The following LHFPL3 variants were observed in gnomAD, a reference collection of about 807,000 sequenced individuals.
LHFPL3 encodes the protein LHFPL tetraspan subfamily member 3 protein.
Under a neutral mutation model 19.3 loss-of-function variants are expected in LHFPL3, and 5 were observed. The ratio of observed to expected loss-of-function variants is 0.26; its 90% CI spans 0.14 to 0.54. The LOEUF is 0.54. Ranked by LOEUF, LHFPL3 falls within the 20% of genes least tolerant of loss-of-function variation. LHFPL3 has a pLI of 0.94. For missense variants in LHFPL3, 249 were observed against 307.4 expected, an observed-to-expected ratio of 0.81 and a Z score of 1.42; for synonymous variants, 133 against 126.2, an observed-to-expected ratio of 1.05 and a Z score of -0.36.
At chr7:104,570,968 T>G (rs1298620070) in intron 1 of LHFPL3, among the ~76,000 whole-genome samples, 2 of 152,236 alleles carry the variant, frequency 1.3e-5, no homozygotes, top group Admixed American at 6.5e-5. Context: ...TTGTAAAGAC[T>G]CAGACATTTT....
intron 1 of LHFPL3, among the ~76,000 whole-genome samples, chr7:104,420,841 C>T (rs1368959816): frequency 1.3e-5 from 2 of 151,778 alleles, no homozygotes; most frequent in African/African-American, 2.4e-5. Flanking sequence ...GGATTACAGG[C>T]GTGAGCCACC....
intron 1 of LHFPL3, among the ~76,000 whole-genome samples, chr7:104,715,119 T>C (rs921128105): frequency 6.6e-6 from 1 of 151,992 alleles, no homozygotes; most frequent in Non-Finnish European, 1.5e-5. Context: ...CTGAGCAGCA[T>C]AGGGAGACCT....
chr7:104,700,614 G>T (rs1398717085), intron 1 of LHFPL3, among the ~76,000 whole-genome samples: 3 of 152,200 alleles, frequency 2.0e-5, no homozygotes, highest in Non-Finnish European at 2.9e-5. Flanking sequence ...ATAGGCTTTT[G>T]TGTTGGGCTG....
intron 1 of LHFPL3, among the ~76,000 whole-genome samples, chr7:104,331,153 C>T (rs1284335590): frequency 6.6e-6 from 1 of 152,170 alleles, no homozygotes; most frequent in Admixed American, 6.5e-5. Flanking sequence ...GCAACCATTA[C>T]AAGGTTTTTT....
intron 2 of LHFPL3, among the ~76,000 whole-genome samples, chr7:104,751,089 G>C (rs1367546661): frequency 1.6e-5 from 2 of 127,860 alleles, no homozygotes; most frequent in African/African-American, 5.8e-5. Flanking sequence ...AACAACTTCT[G>C]TTATTGCTTG....
intron 1 of LHFPL3, among the ~76,000 whole-genome samples, chr7:104,639,945 A>C (rs1327221875): frequency 6.6e-6 from 1 of 152,182 alleles, no homozygotes; most frequent in South Asian, 2.1e-4. Context: ...AAAGTCTTAG[A>C]TTATAAGCAG....
chr7:104,383,404 A>G (rs1198375941), intron 1 of LHFPL3, among the ~76,000 whole-genome samples: 2 of 152,196 alleles, frequency 1.3e-5, no homozygotes, highest in Non-Finnish European at 2.9e-5. Flanking sequence ...GATTTTTAAC[A>G]AGCCACATAG....
chr7:104,607,930 A>G (rs887732780), intron 1 of LHFPL3, among the ~76,000 whole-genome samples: 2 of 152,258 alleles, frequency 1.3e-5, no homozygotes, highest in Non-Finnish European at 2.9e-5. Flanking sequence ...AGAAATGCAA[A>G]TCAAAACCAC....
At chr7:104,397,375 T>A (rs1791211854) in intron 1 of LHFPL3, among the ~76,000 whole-genome samples, 1 of 152,228 alleles carries the variant, frequency 6.6e-6, no homozygotes, top group Non-Finnish European at 1.5e-5. Context: ...TCATTATTTT[T>A]AAAATTTATA....
intron 1 of LHFPL3, among the ~76,000 whole-genome samples, chr7:104,523,066 T>C (rs1323045915): frequency 6.7e-6 from 1 of 148,256 alleles, no homozygotes; most frequent in East Asian, 2.0e-4. Flanking sequence ...TATACACATA[T>C]ATATACACAT....
chr7:104,874,997 C>T (rs1416736989), intron 2 of LHFPL3, among the ~76,000 whole-genome samples: 2 of 151,428 alleles, frequency 1.3e-5, no homozygotes, highest in African/African-American at 2.4e-5. Context: ...CAGGTGTACA[C>T]TGCCACACCT....
chr7:104,846,940 T>G (rs749770582), intron 2 of LHFPL3, among the ~76,000 whole-genome samples: 1 of 152,246 alleles, frequency 6.6e-6, no homozygotes, highest in Non-Finnish European at 1.5e-5. Context: ...ATATTCATTT[T>G]CCACTGTAGG....
chr7:104,341,971 C>T (rs974819557), intron 1 of LHFPL3, among the ~76,000 whole-genome samples: 23 of 152,330 alleles, frequency 1.5e-4, no homozygotes, highest in African/African-American at 4.8e-4. Context: ...AAAGCTAACT[C>T]CTCCTGAATA....
intron 1 of LHFPL3, among the ~76,000 whole-genome samples, chr7:104,705,455 G>T (rs896762955): frequency 2.0e-5 from 3 of 152,124 alleles, no homozygotes; most frequent in Non-Finnish European, 4.4e-5. Context: ...CTCTAGGAAG[G>T]CTGGTGTATT....
chr7:104,773,822 C>A lies in LHFPL3; in HGVS notation c.682+36911C>A, dbSNP rs189817983. ...AACCACCAGAAGGTAGGGGAGAGGC[C>A]TGGGACAGATGTTCCCTTGCAGCCC... On this transcript the variant is annotated intron_variant, in intron 2 of 2. Coordinates refer to ENST00000424859, the MANE Select transcript of LHFPL3 (RefSeq NM_199000.3). Among the ~76,000 whole-genome samples, 425 of 152,096 alleles carry A rather than the reference C, an allele frequency of 2.8e-3. 4 individuals carry two copies. The highest frequency in any genetic ancestry group is 9.5e-3 in the African/African-American group (395 of 41,462).
intron 1 of LHFPL3, among the ~76,000 whole-genome samples, chr7:104,678,230 TG>T (rs1792628708): frequency 6.6e-6 from 1 of 152,160 alleles, no homozygotes; most frequent in Non-Finnish European, 1.5e-5. Flanking sequence ...TGTTATAAAG[TG>T]TATAATTGAA....
intron 1 of LHFPL3, among the ~76,000 whole-genome samples, chr7:104,624,030 G>A (rs1406345367): frequency 6.6e-6 from 1 of 152,200 alleles, no homozygotes; most frequent in East Asian, 1.9e-4. Flanking sequence ...GAAATAAAAG[G>A]TTACACTTAC....
chr7:104,593,924 G>C (rs2115654927), intron 1 of LHFPL3, among the ~76,000 whole-genome samples: 1 of 151,652 alleles, frequency 6.6e-6, no homozygotes, highest in Admixed American at 6.6e-5. Flanking sequence ...CCTTTATTTT[G>C]AGCCTATGTG....
chr7:104,775,747 T>C (rs568842108), intron 2 of LHFPL3, among the ~76,000 whole-genome samples: 75 of 152,296 alleles, frequency 4.9e-4, no homozygotes, highest in African/African-American at 1.7e-3. Flanking sequence ...ACTTTAAAAA[T>C]GCAAATCTTC....
Sources: allele counts gnomAD v4.1 joint callset (sites outside exome capture counted in the v4.1 genomes callset), GRCh38; gene constraint gnomAD v4.1.1; transcripts MANE v1.5; gene names NCBI Gene and HGNC (gene_info 2026-07-23, HGNC 2026-07-21).